Variants in CCDC148 observed in about 807,000 individuals in gnomAD.
The protein encoded by CCDC148 is coiled-coil domain-containing protein 148.
CCDC148 carries 89 observed loss-of-function variants against 85.7 expected under a neutral mutation model. The ratio of observed to expected loss-of-function variants is 1.04; its 90% confidence interval spans 0.87 to 1.24. CCDC148 has a LOEUF of 1.24. CCDC148 is among the 50% of genes most tolerant of loss of function. The pLI, the probability that CCDC148 is intolerant of heterozygous loss-of-function variation, is 0.00. For missense variants in CCDC148, 692 were observed against 671.7 expected (o/e 1.03, Z -0.33); for synonymous variants, 230 against 213.9 (o/e 1.08, Z -0.66).
In CCDC148 at chr2:158,338,909, T is replaced by C; in HGVS notation, c.583-2A>G. On this transcript the variant is annotated splice_acceptor_variant, in intron 6 of 13. Transcript: ENST00000283233. LOFTEE classifies it high-confidence loss of function. Reference sequence around the variant, plus strand: ...TTCTTCCAAAGAATGATCTAGAATCTGAAAAAAAGTATATGATTATTTTAT... The same window carrying C: ...TTCTTCCAAAGAATGATCTAGAATCCGAAAAAAAGTATATGATTATTTTAT... 14 of 1,599,102 alleles carry C rather than the reference T, an allele frequency of 8.8e-6. No homozygotes were observed. Among genetic ancestry groups the C allele is most frequent in the Non-Finnish European group, 1.2e-5 (14 of 1,175,410 alleles).
chr2:158,232,483 C>T (rs1687901265), intron 10 of CCDC148, among the ~76,000 whole-genome samples: 1 of 151,584 alleles, frequency 6.6e-6, no homozygotes, highest in Admixed American at 6.6e-5. Context: ...AAACTTGGAC[C>T]AATATTATAC....
chr2:158,179,117 T>TA (rs890019172), intron 11 of CCDC148, 121 bp from the exon 12 acceptor site: 4 of 582,392 alleles, frequency 6.9e-6, no homozygotes, highest in Non-Finnish European at 8.9e-6. Context: ...TTTTTTTTTT[T>TA]ACTGATTTCT....
intron 1 of CCDC148, among the ~76,000 whole-genome samples, chr2:158,362,709 G>A (rs568275493): frequency 1.3e-5 from 2 of 152,132 alleles, no homozygotes; most frequent in Non-Finnish European, 2.9e-5. Context: ...GCCCACAAGA[G>A]AAAGCATGGG....
intron 9 of CCDC148, among the ~76,000 whole-genome samples, chr2:158,287,208 G>A (rs1690667324): frequency 6.6e-6 from 1 of 152,112 alleles, no homozygotes; most frequent in African/African-American, 2.4e-5. Flanking sequence ...TGGGAATTCT[G>A]AGAGATACAA....
At position 158,358,405 on chromosome 2, in the gene CCDC148, G is replaced by A. The variant is rs368101445; in HGVS notation, c.147+44C>T. 6.3e-6 allele frequency: 10 copies of A among 1,577,452 alleles called. No individual in the cohort carries two copies. The African/African-American group carries it at 1.1e-4, about 17-fold the overall frequency. On this transcript the variant is annotated intron_variant, in intron 2 of 13. Coordinates refer to ENST00000283233, the MANE Select transcript of CCDC148 (RefSeq NM_138803.4). The stretch of plus-strand genomic sequence containing the variant: ...CAATGTAAATACTTTCCAGCAATTC[G>A]ATTTTCTAAAACTAGAAAAACACAT...
intron 11 of CCDC148, among the ~76,000 whole-genome samples, chr2:158,208,107 T>C (rs1021829408): frequency 1.3e-5 from 2 of 152,118 alleles, no homozygotes; most frequent in African/African-American, 4.8e-5. Context: ...CATGACAAGA[T>C]GAGAGGATGA....
At chr2:158,275,749 A>C (rs910902856) in intron 9 of CCDC148, among the ~76,000 whole-genome samples, 11 of 147,620 alleles carry the variant, frequency 7.5e-5, no homozygotes, top group South Asian at 2.2e-4. Context: ...AAAAAAAAAA[A>C]CTCTGGAGAA....
chr2:158,217,504 G>A (rs1483613773), intron 11 of CCDC148, among the ~76,000 whole-genome samples: 4 of 151,710 alleles, frequency 2.6e-5, no homozygotes, highest in East Asian at 1.9e-4. Flanking sequence ...CTGGGTTCAC[G>A]CCATTCTCCT....
At chr2:158,247,749 A>C (rs1020607533) in intron 10 of CCDC148, among the ~76,000 whole-genome samples, 1 of 151,922 alleles carries the variant, frequency 6.6e-6, no homozygotes, top group Non-Finnish European at 1.5e-5. Flanking sequence ...CCAGCTACTC[A>C]GGAGGCTGAG....
intron 1 of CCDC148, among the ~76,000 whole-genome samples, chr2:158,370,970 G>A (rs1684412841): frequency 6.6e-6 from 1 of 151,556 alleles, no homozygotes; most frequent in African/African-American, 2.4e-5. Flanking sequence ...TTTCTGGGTA[G>A]TAGGATTATA....
intron 11 of CCDC148, among the ~76,000 whole-genome samples, chr2:158,211,380 A>T (rs1165519306): frequency 6.6e-6 from 1 of 152,202 alleles, no homozygotes. Context: ...TGACACATAC[A>T]TATGAAACAA....
intron 11 of CCDC148, among the ~76,000 whole-genome samples, chr2:158,213,690 G>A (rs562029923): frequency 7.2e-5 from 11 of 152,236 alleles, no homozygotes; most frequent in South Asian, 6.2e-4. Context: ...AGATATGACC[G>A]TTACATATCC....
chr2:158,238,355 T>G, intron 10 of CCDC148, among the ~76,000 whole-genome samples: 1 of 150,936 alleles, frequency 6.6e-6, no homozygotes, highest in African/African-American at 2.4e-5. Flanking sequence ...TAAGGGGAGG[T>G]AAGGGGTACA....
chr2:158,229,413 C>T (rs978777565), intron 10 of CCDC148, among the ~76,000 whole-genome samples: 1 of 152,148 alleles, frequency 6.6e-6, no homozygotes, highest in Non-Finnish European at 1.5e-5. Context: ...TACTTAATAA[C>T]CATTTGATTG....
chr2:158,238,025 G>A (rs1688186051), intron 10 of CCDC148, among the ~76,000 whole-genome samples: 2 of 152,108 alleles, frequency 1.3e-5, no homozygotes, highest in East Asian at 1.9e-4. Flanking sequence ...CAATGATGTT[G>A]GCAAGTGCGA....
chr2:158,286,765 C>G (rs1690645410), intron 9 of CCDC148, among the ~76,000 whole-genome samples: 1 of 151,986 alleles, frequency 6.6e-6, no homozygotes, highest in Admixed American at 6.5e-5. Context: ...GGTACTGGGA[C>G]AACTGGGTAT....
At chr2:158,389,256 G>A (rs1361650425) in intron 1 of CCDC148, among the ~76,000 whole-genome samples, 1 of 152,054 alleles carries the variant, frequency 6.6e-6, no homozygotes, top group East Asian at 1.9e-4. Context: ...TTCTCTCTAC[G>A]ACTTGAGGAA....
At chr2:158,353,202 A>C (rs1212940794) in intron 2 of CCDC148, among the ~76,000 whole-genome samples, 4 of 102,740 alleles carry the variant, frequency 3.9e-5, no homozygotes, top group Non-Finnish European at 3.9e-5. Context: ...CATCATAATG[A>C]CAGGATCAAA....
intron 1 of CCDC148, among the ~76,000 whole-genome samples, chr2:158,386,114 G>A (rs992012358): frequency 2.0e-5 from 3 of 152,054 alleles, no homozygotes; most frequent in East Asian, 3.9e-4. Context: ...ATGTATCAGC[G>A]GTTGGGGGGC....
Sources: gnomAD v4.1 joint callset for allele counts (sites outside exome capture counted in the v4.1 genomes callset) on GRCh38, gnomAD v4.1.1 for gene constraint, MANE v1.5 for transcripts, NCBI Gene and HGNC (gene_info 2026-07-23, HGNC 2026-07-21) for gene names.